ZFPM1: variants seen among roughly 807,000 people sequenced by gnomAD.
ZFPM1 encodes zinc finger protein ZFPM1.
ZFPM1 carries 28 observed loss-of-function variants against 46.3 expected under a neutral mutation model. That is an observed-to-expected ratio of 0.60 (90% CI 0.45 to 0.83). ZFPM1 has a LOEUF of 0.83. Ranked by LOEUF, ZFPM1 falls within the 40% of genes least tolerant of loss-of-function variation. The pLI, the probability that ZFPM1 is intolerant of heterozygous loss-of-function variation, is 0.00. For synonymous variants in ZFPM1, 957 were observed against 675.9 expected (o/e 1.42, Z -6.45); for missense variants, 1,878 against 1,432.4 (o/e 1.31, Z -5.02).
At chr16:88,517,667 T>C (rs1911431382) in intron 4 of ZFPM1, among the ~76,000 whole-genome samples, 1 of 148,138 alleles carries the variant, frequency 6.8e-6, no homozygotes. Context: ...GATGGGAGGA[T>C]AACCAGGTGG....
intron 1 of ZFPM1, among the ~76,000 whole-genome samples, chr16:88,473,963 A>C (rs759371476): frequency 5.3e-4 from 80 of 152,120 alleles, no homozygotes; most frequent in Non-Finnish European, 1.1e-3. Context: ...ATCTCATGTA[A>C]TCTATCAGTG....
intron 3 of ZFPM1, among the ~76,000 whole-genome samples, chr16:88,503,162 G>A (rs549231594): frequency 9.6e-4 from 147 of 152,354 alleles, no homozygotes; most frequent in African/African-American, 3.2e-3. Flanking sequence ...CCTGAGCAGC[G>A]GCACAGGGGA....
intron 1 of ZFPM1, among the ~76,000 whole-genome samples, chr16:88,479,613 G>C (rs1908837128): frequency 6.6e-6 from 1 of 152,070 alleles, no homozygotes; most frequent in African/African-American, 2.4e-5. Context: ...TGAATCTGTT[G>C]CTATTTTCTG....
chr16:88,501,422 C>T (rs1409394010), intron 3 of ZFPM1, among the ~76,000 whole-genome samples: 5 of 109,144 alleles, frequency 4.6e-5, no homozygotes, highest in Non-Finnish European at 7.6e-5. Flanking sequence ...ATGGAGATAG[C>T]AGACATGGAT....
chr16:88,522,475 G>C (rs891095708), intron 4 of ZFPM1, among the ~76,000 whole-genome samples: 1 of 152,206 alleles, frequency 6.6e-6, no homozygotes, highest in Non-Finnish European at 1.5e-5. Flanking sequence ...CTGCAGGACC[G>C]GCCGTTTGGC....
In ZFPM1 at chr16:88,493,057, G is replaced by A. The variant is rs572030781; in HGVS notation, c.268+3904G>A. On this transcript the variant is annotated intron_variant, in intron 3 of 9. Transcript: ENST00000319555. ...CCGGGGTATGGAGAGCTATCCCGGG[G>A]TGCGGAGAGCTGTCCCGGGGTGCGG... Among the ~76,000 whole-genome samples the A allele has an allele frequency of 3.4e-4, 51 of 150,926 alleles. No individual in the cohort carries two copies. In the Middle Eastern group the frequency reaches 0.011, roughly 31 times the overall value.
intron 3 of ZFPM1, among the ~76,000 whole-genome samples, chr16:88,507,756 T>C (rs887748012): frequency 3.9e-5 from 6 of 152,104 alleles, no homozygotes; most frequent in Non-Finnish European, 8.8e-5. Context: ...AGCTGCCCAG[T>C]GTACCCTGAC....
chr16:88,525,240 GC>G (rs1912222248), intron 4 of ZFPM1, among the ~76,000 whole-genome samples: 2 of 152,346 alleles, frequency 1.3e-5, no homozygotes, highest in South Asian at 4.1e-4. Flanking sequence ...CACCTCTGCG[GC>G]CCACAGGGTC....
chr16:88,532,528 G>A (rs1217612871), intron 7 of ZFPM1, 86 bp from the exon 8 acceptor site: 1 of 1,375,304 alleles, frequency 7.3e-7, no homozygotes, highest in African/African-American at 1.4e-5. Flanking sequence ...CACAGATCAC[G>A]GCCCTGGGCC....
In ZFPM1 at chr16:88,455,202, A is replaced by G. The variant is rs1343800783; in HGVS notation, c.40+1524A>G. Reference sequence around the variant, plus strand: ...TTTCACTGTGATGAGAAATGCAGATAGCTCGGACAGGGAGATCGCAGGTTG... The same window carrying G: ...TTTCACTGTGATGAGAAATGCAGATGGCTCGGACAGGGAGATCGCAGGTTG... On this transcript the variant is annotated intron_variant, in intron 1 of 9. Transcript: ENST00000319555. 2.0e-5 allele frequency among the ~76,000 whole-genome samples: 3 copies of G among 151,224 alleles called. No homozygotes were observed. The East Asian group carries it at 5.9e-4, about 30-fold the overall frequency.
At chr16:88,472,601 C>T (rs567823812) in intron 1 of ZFPM1, among the ~76,000 whole-genome samples, 1 of 152,312 alleles carries the variant, frequency 6.6e-6, no homozygotes, top group African/African-American at 2.4e-5. Context: ...ATCTGCCCGC[C>T]TCAGCCTCCC....
Position 88,534,023 on chromosome 16 carries a change from A to G in ZFPM1, c.2065A>G (p.Asn689Asp). The change falls in exon 10 of 10, where the codon AAC (asparagine) becomes GAC (aspartate). Residue 689 changes from asparagine to aspartate, a missense_variant. Asn to Asp is a conservative substitution (Grantham distance 23). Transcript: ENST00000319555. ...DPSRTLCEAC[N>D]IRFSRHETYT... ...CAGCCGCACGCTGTGCGAGGCCTGC[A>G]ACATCCGCTTCAGCCGCCACGAGAC... 7.4e-7 allele frequency: 1 copy of G among 1,355,000 alleles called. No individual in the cohort carries two copies. Among genetic ancestry groups the G allele is most frequent in the Non-Finnish European group, 9.6e-7 (1 of 1,039,108 alleles). 83.9% of individuals were successfully genotyped at this position (1,355,000 alleles called of 1,614,324 possible). A position where few individuals can be genotyped will look rare whatever the true frequency, so the allele number is the denominator to read the frequency against.
At chr16:88,523,155 G>T (rs550626214) in intron 4 of ZFPM1, among the ~76,000 whole-genome samples, 1 of 150,452 alleles carries the variant, frequency 6.6e-6, no homozygotes, top group African/African-American at 2.4e-5. Flanking sequence ...GCAGTGAGCC[G>T]AGATCATGCC....
At chr16:88,486,089 C>T (rs1358738386) in intron 2 of ZFPM1, 46 bp downstream of exon 2, 2 of 1,554,986 alleles carry the variant, frequency 1.3e-6, no homozygotes, top group South Asian at 1.2e-5. Flanking sequence ...CCGGGGCCTC[C>T]ATTGCTTACC....
At chr16:88,515,478 T>C (rs1396690376) in intron 4 of ZFPM1, among the ~76,000 whole-genome samples, 3 of 152,228 alleles carry the variant, frequency 2.0e-5, no homozygotes, top group African/African-American at 7.2e-5. Context: ...TAAAGCTTCC[T>C]TTTACGTCTG....
intron 1 of ZFPM1, among the ~76,000 whole-genome samples, chr16:88,478,683 G>T (rs1450203707): frequency 6.6e-6 from 1 of 152,212 alleles, no homozygotes; most frequent in Non-Finnish European, 1.5e-5. Context: ...GGACCATGGG[G>T]GACGGACCTA....
intron 1 of ZFPM1, among the ~76,000 whole-genome samples, chr16:88,475,112 G>A (rs934873179): frequency 2.6e-5 from 4 of 152,230 alleles, no homozygotes; most frequent in African/African-American, 9.6e-5. Flanking sequence ...CTGTGCATTC[G>A]TGTTGATGGG....
intron 3 of ZFPM1, among the ~76,000 whole-genome samples, chr16:88,500,503 C>T (rs554516118): frequency 1.2e-4 from 19 of 152,384 alleles, no homozygotes; most frequent in Admixed American, 2.0e-4. Context: ...ACAGAAACAG[C>T]GCTATTAGAG....
intron 1 of ZFPM1, among the ~76,000 whole-genome samples, chr16:88,462,118 C>G (rs12922009): frequency 0.37 from 55,725 of 151,922 alleles, 10,616 homozygotes; most frequent in East Asian, 0.49. Flanking sequence ...GGCAGAGCCG[C>G]GTGAGCAGAT....
Sources: gnomAD v4.1 joint callset for allele counts (sites outside exome capture counted in the v4.1 genomes callset) on GRCh38, gnomAD v4.1.1 for gene constraint, MANE v1.5 for transcripts, NCBI Gene and HGNC (gene_info 2026-07-23, HGNC 2026-07-21) for gene names.